Variants in CTNNA3 observed in about 807,000 individuals in gnomAD.
The protein encoded by CTNNA3 is catenin alpha 3.
Under a neutral mutation model 95.7 loss-of-function variants are expected in CTNNA3, and 76 were observed. The observed-to-expected ratio is 0.79, with a 90% CI of 0.66 to 0.96. The LOEUF is 0.96. CTNNA3 is among the 40% of genes least tolerant of loss of function. The pLI, the probability that CTNNA3 is intolerant of heterozygous loss-of-function variation, is 0.00. For synonymous variants in CTNNA3, 431 were observed against 374.4 expected (o/e 1.15, Z -1.74); for missense variants, 1,191 against 1,089.8 (o/e 1.09, Z -1.31).
intron 7 of CTNNA3, among the ~76,000 whole-genome samples, chr10:66,785,771 T>C (rs757846356): frequency 4.6e-5 from 7 of 152,172 alleles, no homozygotes; most frequent in Non-Finnish European, 1.0e-4. Flanking sequence ...CTTATATATG[T>C]ATCCTATTCG....
intron 1 of CTNNA3, among the ~76,000 whole-genome samples, chr10:67,717,058 T>C (rs1010707382): frequency 2.0e-5 from 3 of 152,230 alleles, no homozygotes; most frequent in Non-Finnish European, 4.4e-5. Context: ...TTATTTGTAT[T>C]TCTCTAATGA....
intron 5 of CTNNA3, among the ~76,000 whole-genome samples, chr10:67,465,580 T>G (rs1435308346): frequency 6.6e-6 from 1 of 152,146 alleles, no homozygotes; most frequent in Non-Finnish European, 1.5e-5. Flanking sequence ...TCCACAGCCT[T>G]CAGGGAAAGA....
intron 13 of CTNNA3, among the ~76,000 whole-genome samples, chr10:66,253,582 G>C: frequency 6.6e-6 from 1 of 152,126 alleles, no homozygotes; most frequent in South Asian, 2.1e-4. Flanking sequence ...TCAGTAGCAG[G>C]CAGGCACCTC....
At chr10:66,040,430 T>A (rs2079661563) in intron 15 of CTNNA3, among the ~76,000 whole-genome samples, 1 of 151,988 alleles carries the variant, frequency 6.6e-6, no homozygotes, top group Non-Finnish European at 1.5e-5. Context: ...TGCACGTGTA[T>A]GTTCATTGCA....
At chr10:65,953,260 A>C (rs1209848092) in intron 17 of CTNNA3, among the ~76,000 whole-genome samples, 1 of 152,200 alleles carries the variant, frequency 6.6e-6, no homozygotes, top group Non-Finnish European at 1.5e-5. Context: ...TAATCTTCTT[A>C]GAGTTATATT....
rs935738959 is a variant in CTNNA3, at chr10:67,562,062, A to G, written c.293-22393T>C. On this transcript the variant is annotated intron_variant, in intron 3 of 17. Coordinates refer to ENST00000433211, the MANE Select transcript of CTNNA3 (RefSeq NM_013266.4). ...CACAGCCAAATTCTACCAGAGGTAC[A>G]AGGAGGAATTGGTACCATTCTTTCT... Among the ~76,000 whole-genome samples, 5 of 152,176 alleles carry G rather than the reference A, an allele frequency of 3.3e-5. No individual in the cohort carries two copies. The South Asian group carries it at 1.0e-3, about 31-fold the overall frequency.
chr10:66,371,978 G>A (rs2092758036), intron 12 of CTNNA3, among the ~76,000 whole-genome samples: 1 of 152,152 alleles, frequency 6.6e-6, no homozygotes, highest in South Asian at 2.1e-4. Context: ...CAGCTGTGTG[G>A]TCCAGTGTCA....
chr10:66,594,086 G>A (rs1368254629), intron 10 of CTNNA3, among the ~76,000 whole-genome samples: 1 of 152,000 alleles, frequency 6.6e-6, no homozygotes, highest in African/African-American at 2.4e-5. Context: ...TGACCAAACG[G>A]AATTTGTTTC....
At chr10:67,470,493 T>C (rs1343339187) in intron 5 of CTNNA3, among the ~76,000 whole-genome samples, 4 of 152,234 alleles carry the variant, frequency 2.6e-5, no homozygotes, top group African/African-American at 9.6e-5. Context: ...TCCAGCCTTT[T>C]AGGTAAATAC....
intron 10 of CTNNA3, among the ~76,000 whole-genome samples, chr10:66,587,802 G>A (rs1282186517): frequency 6.6e-6 from 1 of 152,138 alleles, no homozygotes; most frequent in East Asian, 1.9e-4. Flanking sequence ...ACTGCCCCAG[G>A]CCATAAGCCG....
chr10:66,063,536 C>T (rs1168541214), intron 15 of CTNNA3, among the ~76,000 whole-genome samples: 2 of 151,344 alleles, frequency 1.3e-5, no homozygotes, highest in African/African-American at 4.8e-5. Context: ...TCCTCTTTCC[C>T]ATGGTTCCTA....
intron 4 of CTNNA3, among the ~76,000 whole-genome samples, chr10:67,536,486 C>T (rs561048775): frequency 2.6e-5 from 4 of 152,210 alleles, no homozygotes; most frequent in South Asian, 4.1e-4. Flanking sequence ...AGTCTTTCTA[C>T]GTCAGGTAAA....
intron 7 of CTNNA3, among the ~76,000 whole-genome samples, chr10:66,864,296 ATTAG>A (rs1013268867): frequency 3.9e-5 from 6 of 152,112 alleles, no homozygotes; most frequent in African/African-American, 1.2e-4. Flanking sequence ...TACCATGGGA[ATTAG>A]TTAGTTATCA....
At position 67,263,118 on chromosome 10, in the gene CTNNA3, C is replaced by A. The variant is rs530706148; in HGVS notation, c.580-43248G>T. Among the ~76,000 whole-genome samples the A allele has an allele frequency of 2.6e-5, 4 of 152,278 alleles. No individual in the cohort carries two copies. The East Asian group carries it at 5.8e-4, about 22-fold the overall frequency. On this transcript the variant is annotated intron_variant, in intron 5 of 17. Transcript: ENST00000433211. ...TGGCAAGAAACCCAAGGTAATATAA[C>A]AAGCAGTGGTGGAGTATTTATTCAA...
At chr10:66,944,383 T>A (rs1426849130) in intron 7 of CTNNA3, among the ~76,000 whole-genome samples, 1 of 152,154 alleles carries the variant, frequency 6.6e-6, no homozygotes, top group Non-Finnish European at 1.5e-5. Flanking sequence ...TCACACTCCA[T>A]CTCTAATTCT....
At chr10:66,534,266 A>G (rs1841571304) in intron 10 of CTNNA3, among the ~76,000 whole-genome samples, 1 of 152,150 alleles carries the variant, frequency 6.6e-6, no homozygotes, top group Non-Finnish European at 1.5e-5. Flanking sequence ...CAAGCTGGAA[A>G]GGCCATTTAG....
intron 17 of CTNNA3, among the ~76,000 whole-genome samples, chr10:65,945,158 G>GTATATATA (rs772460697): frequency 1.7e-4 from 26 of 148,932 alleles, no homozygotes; most frequent in African/African-American, 6.1e-4. Context: ...GTGTGTGTGT[G>GTATATATA]TGTATATATA....
intron 13 of CTNNA3, among the ~76,000 whole-genome samples, chr10:66,167,699 G>A (rs1487810045): frequency 3.9e-5 from 6 of 152,120 alleles, no homozygotes; most frequent in Non-Finnish European, 8.8e-5. Context: ...TTAAAATCAG[G>A]AGGAAGCTGG....
intron 9 of CTNNA3, among the ~76,000 whole-genome samples, chr10:66,715,818 G>A (rs1347452027): frequency 1.3e-5 from 2 of 151,740 alleles, no homozygotes; most frequent in Non-Finnish European, 2.9e-5. Context: ...TTAATTTCTT[G>A]ACAGGGATGA....
Sources: allele counts gnomAD v4.1 joint callset (sites outside exome capture counted in the v4.1 genomes callset), GRCh38; gene constraint gnomAD v4.1.1; transcripts MANE v1.5; gene names NCBI Gene and HGNC (gene_info 2026-07-23, HGNC 2026-07-21).